The following GREB1L variants were observed in gnomAD, a reference collection of about 807,000 sequenced individuals.
GREB1L encodes GREB1 like retinoic acid receptor coactivator, also known as GREB1-like protein.
A neutral mutation model predicts 200.8 loss-of-function variants in GREB1L; 17 were observed. The observed-to-expected ratio is 0.08, with a 90% CI of 0.06 to 0.13. The LOEUF is 0.13. Among genes scored for constraint, GREB1L ranks in the 10% least tolerant of loss-of-function variants. GREB1L has a pLI of 1.00. For missense variants in GREB1L, 1,657 were observed against 2,367.7 expected, an observed-to-expected ratio of 0.70 and a Z score of 6.23; for synonymous variants, 789 against 893.0, an observed-to-expected ratio of 0.88 and a Z score of 2.08.
chr18:21,505,708 G>T, intron 24 of GREB1L, 102 bp from the exon 25 acceptor site: 1 of 1,409,572 alleles, frequency 7.1e-7, no homozygotes, highest in Non-Finnish European at 9.6e-7. Flanking sequence ...ATAAATTACA[G>T]AATACATGGA....
intron 28 of GREB1L, 120 bp downstream of exon 28, chr18:21,514,106 A>G (rs1184037850): frequency 1.2e-6 from 1 of 864,450 alleles, no homozygotes; most frequent in Non-Finnish European, 1.7e-6. Context: ...AAAACAGTCA[A>G]CCATGAGACC....
At chr18:21,431,267 C>T (rs761895770) in intron 7 of GREB1L, among the ~76,000 whole-genome samples, 2 of 151,936 alleles carry the variant, frequency 1.3e-5, no homozygotes, top group South Asian at 2.1e-4. Flanking sequence ...TCAAGTGATC[C>T]GCCTGCCTCG....
chr18:21,254,133 G>A (rs1448280297), intron 1 of GREB1L, among the ~76,000 whole-genome samples: 1 of 138,148 alleles, frequency 7.2e-6, no homozygotes, highest in Non-Finnish European at 1.5e-5. Context: ...GCAGTGGTAC[G>A]ATCTTGACTC....
intron 1 of GREB1L, among the ~76,000 whole-genome samples, chr18:21,298,006 A>G (rs998305746): frequency 1.3e-5 from 2 of 152,044 alleles, no homozygotes; most frequent in African/African-American, 4.8e-5. Flanking sequence ...AGTTTTAGGA[A>G]ATGGGGAGGT....
intron 8 of GREB1L, 35 bp from the exon 9 acceptor site, chr18:21,440,233 AC>A: frequency 6.5e-7 from 1 of 1,550,084 alleles, no homozygotes; most frequent in South Asian, 1.2e-5. Context: ...TGAGAACAAG[AC>A]TATCTCTTTT....
At chr18:21,321,200 CAGG>C (rs770463841) in intron 1 of GREB1L, among the ~76,000 whole-genome samples, 32 of 152,042 alleles carry the variant, frequency 2.1e-4, no homozygotes, top group Non-Finnish European at 3.7e-4. Context: ...AGGCCTGAGG[CAGG>C]AGAATCGCTT....
At chr18:21,400,739 C>T (rs572987168) in intron 5 of GREB1L, among the ~76,000 whole-genome samples, 12 of 152,244 alleles carry the variant, frequency 7.9e-5, no homozygotes, top group East Asian at 1.9e-4. Flanking sequence ...GAGGCAAGTT[C>T]GAGTGGTAGA....
At chr18:21,374,850 CT>C (rs535722957) in intron 2 of GREB1L, among the ~76,000 whole-genome samples, 19,356 of 130,202 alleles carry the variant, frequency 0.15, 2,832 homozygotes, top group African/African-American at 0.4. Context: ...TTTCCTTTTC[CT>C]TTTTTTTTTT....
At chr18:21,474,264 A>T (rs2035597648) in intron 16 of GREB1L, among the ~76,000 whole-genome samples, 1 of 152,216 alleles carries the variant, frequency 6.6e-6, no homozygotes, top group African/African-American at 2.4e-5. Flanking sequence ...AGCCTGTAAA[A>T]TCAAAAGCAA....
rs1457876051 is a variant in GREB1L at position 21,444,344 on chromosome 18, C to T, written c.1328C>T (p.Thr443Ile). The T allele has an allele frequency of 6.4e-7, 1 of 1,552,078 alleles. No homozygotes were observed. Among genetic ancestry groups the T allele is most frequent in the Non-Finnish European group, 8.7e-7 (1 of 1,147,044 alleles). The change falls in exon 11 of 33, where the codon ACC becomes ATC. Residue 443 changes from threonine (T) to isoleucine (I), a missense_variant. By Grantham distance (89) the Thr-to-Ile change is moderately conservative. Transcript: ENST00000424526. ...AAAGATTTGGAAAAATTAGGGTTGA[C>T]CGGCAGCCAATTTCTGAGCGTGGAA... ...ENKDLEKLGL[T>I]GSQFLSVENM...
intron 1 of GREB1L, among the ~76,000 whole-genome samples, chr18:21,335,490 T>C (rs2039170420): frequency 6.6e-6 from 1 of 152,050 alleles, no homozygotes; most frequent in South Asian, 2.1e-4. Context: ...GGACAAAAGA[T>C]TTTTTTGGAG....
At chr18:21,247,636 A>G (rs114933549) in intron 1 of GREB1L, among the ~76,000 whole-genome samples, 2,658 of 152,326 alleles carry the variant, frequency 0.017, 74 homozygotes, top group African/African-American at 0.058. Context: ...TTTCTTCTGT[A>G]AAATGAGATT....
intron 16 of GREB1L, among the ~76,000 whole-genome samples, 185 bp downstream of exon 16, chr18:21,473,396 C>T (rs1443981720): frequency 6.6e-6 from 1 of 151,828 alleles, no homozygotes; most frequent in African/African-American, 2.4e-5. Flanking sequence ...ATGGTGAAAC[C>T]CCATCTCTGC....
intron 8 of GREB1L, 70 bp from the exon 9 acceptor site, chr18:21,440,199 G>A (rs9948725): frequency 0.22 from 328,156 of 1,477,482 alleles, 51,971 homozygotes; most frequent in African/African-American, 0.73. Context: ...TTACTCTGGC[G>A]TTCTTTCCTT....
chr18:21,278,947 G>A (rs1439492922), intron 1 of GREB1L, among the ~76,000 whole-genome samples: 2 of 152,036 alleles, frequency 1.3e-5, no homozygotes, highest in East Asian at 1.9e-4. Flanking sequence ...CTGAACACAT[G>A]TCCTATGAAG....
At chr18:21,389,376 C>T (rs1212718093) in intron 4 of GREB1L, among the ~76,000 whole-genome samples, 2 of 92,784 alleles carry the variant, frequency 2.2e-5, no homozygotes, top group East Asian at 3.3e-4. Flanking sequence ...TTTCTCTTTT[C>T]ACGGGCACAG....
chr18:21,505,788 C>CT, intron 24 of GREB1L, 22 bp from the exon 25 acceptor site: 1 of 1,545,330 alleles, frequency 6.5e-7, no homozygotes, highest in African/African-American at 1.4e-5. Context: ...CATGGGATGG[C>CT]TTTTTGCCCC....
intron 1 of GREB1L, among the ~76,000 whole-genome samples, chr18:21,268,560 C>CACACATATATATATATATAT (rs1204514384): frequency 3.1e-5 from 2 of 63,534 alleles, no homozygotes; most frequent in African/African-American, 7.5e-5. Flanking sequence ...CACACACACA[C>CACACATATATATATATATAT]ATATATATAT....
chr18:21,394,104 A>T (rs1303141238), intron 4 of GREB1L, among the ~76,000 whole-genome samples: 1 of 152,230 alleles, frequency 6.6e-6, no homozygotes, highest in African/African-American at 2.4e-5. Flanking sequence ...CAGGGCTGGC[A>T]CTAAGCAGTC....
Sources: gnomAD v4.1 joint callset for allele counts (sites outside exome capture counted in the v4.1 genomes callset) on GRCh38, gnomAD v4.1.1 for gene constraint, MANE v1.5 for transcripts, NCBI Gene and HGNC (gene_info 2026-07-23, HGNC 2026-07-21) for gene names.